GRIK1: variants seen among roughly 807,000 people sequenced by gnomAD.
GRIK1 encodes the protein glutamate ionotropic receptor kainate type subunit 1.
GRIK1 carries 69 observed loss-of-function variants against 105.7 expected under a neutral mutation model. That is an observed-to-expected ratio of 0.65 (90% confidence interval 0.54 to 0.80). The LOEUF is 0.80. Ranked by LOEUF, GRIK1 falls within the 30% of genes least tolerant of loss-of-function variation. GRIK1 has a pLI of 0.00. For missense variants in GRIK1, 1,109 were observed against 1,167.3 expected, an observed-to-expected ratio of 0.95 and a Z score of 0.73; for synonymous variants, 438 against 431.3, an observed-to-expected ratio of 1.02 and a Z score of -0.19.
chr21:29,656,518 A>G (rs2062858217), intron 4 of GRIK1, among the ~76,000 whole-genome samples: 1 of 152,140 alleles, frequency 6.6e-6, no homozygotes, highest in Admixed American at 6.5e-5. Context: ...ACACCATCAC[A>G]GGGACATCCT....
chr21:29,563,972 T>A (rs1049098049), intron 14 of GRIK1, among the ~76,000 whole-genome samples: 7 of 152,172 alleles, frequency 4.6e-5, no homozygotes, highest in African/African-American at 1.4e-4. Context: ...ATTGCCAAAA[T>A]GCTTTTGAGA....
At chr21:29,733,281 A>G (rs1368440987) in intron 1 of GRIK1, among the ~76,000 whole-genome samples, 1 of 152,186 alleles carries the variant, frequency 6.6e-6, no homozygotes, top group Non-Finnish European at 1.5e-5. Context: ...GTGTGTTTAT[A>G]TATAAATTTT....
chr21:29,634,411 G>A (rs2062351113), intron 7 of GRIK1, among the ~76,000 whole-genome samples: 1 of 152,118 alleles, frequency 6.6e-6, no homozygotes, highest in South Asian at 2.1e-4. Flanking sequence ...TCATTCTTAT[G>A]CAGTAAATTT....
intron 1 of GRIK1, among the ~76,000 whole-genome samples, chr21:29,894,859 G>A (rs933249846): frequency 2.0e-5 from 3 of 152,106 alleles, no homozygotes; most frequent in African/African-American, 7.2e-5. Context: ...GTTTAACTTG[G>A]CTATTTCCCC....
At chr21:29,672,049 G>GA (rs2063169520) in intron 4 of GRIK1, among the ~76,000 whole-genome samples, 1 of 149,194 alleles carries the variant, frequency 6.7e-6, no homozygotes, top group South Asian at 2.1e-4. Context: ...TTCTAATTCT[G>GA]AATTTACTTT....
At chr21:29,706,222 T>C (rs1290240032) in intron 1 of GRIK1, among the ~76,000 whole-genome samples, 1 of 152,232 alleles carries the variant, frequency 6.6e-6, no homozygotes, top group Non-Finnish European at 1.5e-5. Flanking sequence ...AAAACATCTC[T>C]GTATATTTCT....
intron 1 of GRIK1, among the ~76,000 whole-genome samples, chr21:29,744,110 A>G (rs1439381634): frequency 1.3e-5 from 2 of 152,212 alleles, no homozygotes; most frequent in African/African-American, 2.4e-5. Flanking sequence ...ATTCGTGTAC[A>G]TAAGTTATAA....
chr21:29,787,192 A>G (rs2066281989), intron 1 of GRIK1, among the ~76,000 whole-genome samples: 1 of 152,244 alleles, frequency 6.6e-6, no homozygotes, highest in East Asian at 1.9e-4. Context: ...AATCCTGGGA[A>G]CATGACAGGT....
intron 1 of GRIK1, among the ~76,000 whole-genome samples, chr21:29,807,187 GT>G (rs2066886253): frequency 6.6e-6 from 1 of 152,146 alleles, no homozygotes; most frequent in Non-Finnish European, 1.5e-5. Flanking sequence ...AAAAGCTATT[GT>G]TCATGACCTG....
chr21:29,868,837 G>A (rs537124756), intron 1 of GRIK1, among the ~76,000 whole-genome samples: 18 of 152,060 alleles, frequency 1.2e-4, no homozygotes, highest in African/African-American at 2.9e-4. Context: ...CCACAGATCC[G>A]TCCACATTAC....
intron 14 of GRIK1, among the ~76,000 whole-genome samples, chr21:29,571,739 A>G (rs2090755196): frequency 6.6e-6 from 1 of 152,258 alleles, no homozygotes; most frequent in African/African-American, 2.4e-5. Context: ...CTTTGGCTAT[A>G]AAATGATTTT....
chr21:29,881,740 G>A (rs1040418316), intron 1 of GRIK1, among the ~76,000 whole-genome samples: 5 of 152,046 alleles, frequency 3.3e-5, no homozygotes, highest in Non-Finnish European at 1.5e-5. Context: ...GCTAGAGTGG[G>A]AACTCAGTAC....
At chr21:29,805,054 T>A (rs780030969) in intron 1 of GRIK1, among the ~76,000 whole-genome samples, 7 of 152,122 alleles carry the variant, frequency 4.6e-5, no homozygotes, top group Non-Finnish European at 8.8e-5. Flanking sequence ...TCCTTTCTCA[T>A]GAGTTTCTAG....
At chr21:29,539,943 A>T (rs1449702764) in intron 16 of GRIK1, among the ~76,000 whole-genome samples, 1 of 152,212 alleles carries the variant, frequency 6.6e-6, no homozygotes, top group Non-Finnish European at 1.5e-5. Context: ...AATATTTTTT[A>T]TCACTATAGA....
intron 1 of GRIK1, among the ~76,000 whole-genome samples, chr21:29,744,087 T>TA (rs1302522358): frequency 6.6e-6 from 1 of 152,090 alleles, no homozygotes; most frequent in Non-Finnish European, 1.5e-5. Context: ...AAATAGAAGT[T>TA]AAAAAAATAG....
chr21:29,887,667 G>T (rs1329254135), intron 1 of GRIK1, among the ~76,000 whole-genome samples: 1 of 152,138 alleles, frequency 6.6e-6, no homozygotes, highest in African/African-American at 2.4e-5. Context: ...GTTCAGTAAT[G>T]CCAGCCTGGA....
At chr21:29,642,221 A>T (rs1322590837) in intron 7 of GRIK1, among the ~76,000 whole-genome samples, 1 of 152,204 alleles carries the variant, frequency 6.6e-6, no homozygotes, top group Admixed American at 6.5e-5. Context: ...CTCAGAGAAA[A>T]GAAAAGGTGG....
intron 7 of GRIK1, among the ~76,000 whole-genome samples, chr21:29,611,436 C>T (rs1233249672): frequency 6.6e-6 from 1 of 152,130 alleles, no homozygotes; most frequent in Non-Finnish European, 1.5e-5. Context: ...CTAGATTTAC[C>T]ATCCAGATGG....
In GRIK1 at chr21:29,920,523, A is replaced by G. The variant is rs539257760; in HGVS notation, c.118+18860T>C. Among the ~76,000 whole-genome samples the G allele has an allele frequency of 3.3e-5, 5 of 152,060 alleles. No individual in the cohort carries two copies. In the South Asian group the frequency reaches 1.0e-3, roughly 32 times the overall value. The stretch of plus-strand genomic sequence containing the variant: ...TTCTTTAACCTTGTCGGTTTTTCCC[A>G]TTACAGGAGTTCATAGAACCATGAC... On this transcript the variant is annotated intron_variant, in intron 1 of 17. Transcript: ENST00000327783.
Sources: allele counts gnomAD v4.1 joint callset (sites outside exome capture counted in the v4.1 genomes callset), GRCh38; gene constraint gnomAD v4.1.1; transcripts MANE v1.5; gene names NCBI Gene and HGNC (gene_info 2026-07-23, HGNC 2026-07-21).